LMO7: variants seen among roughly 807,000 people sequenced by gnomAD.
The protein encoded by LMO7 is LIM domain 7.
LMO7 carries 120 observed loss-of-function variants against 206.5 expected under a neutral mutation model. The observed-to-expected ratio is 0.58, with a 90% CI of 0.50 to 0.68. The LOEUF is 0.68. Ranked by LOEUF, LMO7 falls within the 30% of genes least tolerant of loss-of-function variation. LMO7 has a pLI of 0.00. For missense variants in LMO7, 1,959 were observed against 1,957.9 expected (o/e 1.00, Z -0.01); for synonymous variants, 706 against 681.5 (o/e 1.04, Z -0.56).
rs144552903 is a variant in LMO7 at position 75,742,296 on chromosome 13, A to G, written c.210+15198A>G. Among the ~76,000 whole-genome samples the G allele has an allele frequency of 3.3e-5, 5 of 152,354 alleles. No homozygotes were observed. In the East Asian group the frequency reaches 9.6e-4, roughly 29 times the overall value. Reference sequence around the variant, plus strand: ...AATTAGAAGAATCAAAATCATTAATATAGCCATACTGCCCAAAGCAAATTA... The same window carrying G: ...AATTAGAAGAATCAAAATCATTAATGTAGCCATACTGCCCAAAGCAAATTA... On this transcript the variant is annotated intron_variant, in intron 3 of 30. Coordinates refer to ENST00000377534, the MANE Select transcript of LMO7 (RefSeq NM_001306080.2).
rs777517919 is a variant in LMO7 at position 75,808,112 on chromosome 13, G to T, written c.1829G>T (p.Gly610Val). ...TTVPPISFTP[G>V]PCSEADLKRW... ...GTGCCTCCCATCAGTTTCACCCCTG[G>T]CCCCTGCAGTGAGGCTGACTTGAAG... The change falls in exon 10 of 31, where the codon GGC (glycine) becomes GTC (valine). Residue 610 changes from glycine (G) to valine (V), a missense_variant. Transcript: ENST00000377534. 11 of 1,613,760 alleles carry T rather than the reference G, an allele frequency of 6.8e-6. No homozygotes were observed. The highest frequency in any genetic ancestry group is 8.5e-6 in the Non-Finnish European group (10 of 1,179,862).
At chr13:75,791,928 A>G (rs2053350505) in intron 4 of LMO7, among the ~76,000 whole-genome samples, 1 of 152,026 alleles carries the variant, frequency 6.6e-6, no homozygotes, top group Admixed American at 6.5e-5. Context: ...GTTTCAATGC[A>G]GGTATGGGTT....
intron 4 of LMO7, 70 bp downstream of exon 4, chr13:75,761,108 G>T (rs1594782091): frequency 2.1e-6 from 2 of 973,686 alleles, no homozygotes; most frequent in Non-Finnish European, 3.0e-6. Flanking sequence ...TAAGTGAAAA[G>T]AATTGCTGAG....
intron 4 of LMO7, among the ~76,000 whole-genome samples, chr13:75,775,581 A>G (rs1381439400): frequency 6.6e-6 from 1 of 152,150 alleles, no homozygotes; most frequent in Non-Finnish European, 1.5e-5. Flanking sequence ...ACACAGGGCT[A>G]ATATCCAGAA....
chr13:75,737,842 CAAAAAA>C (rs768622923), intron 3 of LMO7, among the ~76,000 whole-genome samples: 2 of 37,740 alleles, frequency 5.3e-5, no homozygotes, highest in African/African-American at 1.2e-4. Flanking sequence ...AGGAAGCTGC[CAAAAAA>C]AAAAAAAAAA....
chr13:75,752,235 A>G (rs1258524153), intron 3 of LMO7, among the ~76,000 whole-genome samples: 2 of 151,914 alleles, frequency 1.3e-5, no homozygotes, highest in African/African-American at 4.8e-5. Context: ...AAGTTCAGCA[A>G]TTATCCTGCC....
rs376638247 is a variant in LMO7 at position 75,637,027 on chromosome 13, C to T, written c.69+301C>T. On this transcript the variant is annotated intron_variant, in intron 1 of 30. Coordinates refer to ENST00000377534, the MANE Select transcript of LMO7 (RefSeq NM_001306080.2). ...GCGCGTCCCGGAGGAGCAGCGCAGT[C>T]CGCCCTGGCTCGCCCGGGGCGTCTC... Among the ~76,000 whole-genome samples, 12 of 152,316 alleles carry T rather than the reference C, an allele frequency of 7.9e-5. No homozygotes were observed. The East Asian group carries it at 1.5e-3, about 20-fold the overall frequency.
intron 2 of LMO7, among the ~76,000 whole-genome samples, chr13:75,625,292 T>C (rs923718335): frequency 6.6e-6 from 1 of 152,258 alleles, no homozygotes; most frequent in Admixed American, 6.5e-5. Flanking sequence ...CATATTCTTC[T>C]GATTATCTAG....
At chr13:75,829,700 G>GT (rs34119641) in intron 15 of LMO7, among the ~76,000 whole-genome samples, 141 of 150,154 alleles carry the variant, frequency 9.4e-4, no homozygotes, top group Non-Finnish European at 1.6e-3. Flanking sequence ...TATTGGCCCT[G>GT]TTTTTTTTTT....
chr13:75,835,440 C>T, intron 18 of LMO7, 101 bp downstream of exon 18: 1 of 666,974 alleles, frequency 1.5e-6, no homozygotes, highest in Non-Finnish European at 2.4e-6. Flanking sequence ...AATTTTGATG[C>T]TAACTTTAAA....
At chr13:75,733,102 C>G (rs565419519) in intron 3 of LMO7, among the ~76,000 whole-genome samples, 126 of 152,340 alleles carry the variant, frequency 8.3e-4, no homozygotes, top group African/African-American at 2.8e-3. Flanking sequence ...GAGGCAGTCT[C>G]CCCGTTCTCA....
At chr13:75,675,766 ATTTAG>A (rs2039950570) in intron 1 of LMO7, among the ~76,000 whole-genome samples, 1 of 152,194 alleles carries the variant, frequency 6.6e-6, no homozygotes, top group Admixed American at 6.5e-5. Context: ...AGAGTTACTT[ATTTAG>A]TTGAAGGAGT....
Position 75,808,093 on chromosome 13 carries a change from C to A in LMO7, c.1810C>A (p.Pro604Thr). 6.2e-7 allele frequency: 1 copy of A among 1,613,928 alleles called. No homozygotes were observed. Among genetic ancestry groups the A allele is most frequent in the Non-Finnish European group, 8.5e-7 (1 of 1,179,866 alleles). The change falls in exon 10 of 31, where the codon CCC (proline) becomes ACC (threonine). Residue 604 changes from proline to threonine, a missense_variant. By Grantham distance (38) the Pro-to-Thr change is conservative. Coordinates refer to ENST00000377534, the MANE Select transcript of LMO7 (RefSeq NM_001306080.2). ...QSWKLGTTVP[P>T]ISFTPGPCSE... Reference sequence around the variant, plus strand: ...CTGGAAACTGGGAACTACCGTGCCTCCCATCAGTTTCACCCCTGGCCCCTG... The same window carrying A: ...CTGGAAACTGGGAACTACCGTGCCTACCATCAGTTTCACCCCTGGCCCCTG...
intron 4 of LMO7, among the ~76,000 whole-genome samples, chr13:75,778,221 T>TTTTA (rs748191086): frequency 1.5e-4 from 23 of 151,942 alleles, no homozygotes; most frequent in African/African-American, 3.1e-4. Flanking sequence ...GATCTGTGGT[T>TTTTA]TTTATTTATT....
chr13:75,647,374 T>A (rs1213235367), intron 1 of LMO7, among the ~76,000 whole-genome samples: 1 of 152,248 alleles, frequency 6.6e-6, no homozygotes, highest in Non-Finnish European at 1.5e-5. Flanking sequence ...TTTCAAGTTC[T>A]GTTCTAGACT....
At chr13:75,730,993 A>G (rs1416537298) in intron 3 of LMO7, among the ~76,000 whole-genome samples, 1 of 151,220 alleles carries the variant, frequency 6.6e-6, no homozygotes. Flanking sequence ...GGTCTGAGAG[A>G]CAGTTTGTTA....
In LMO7 at chr13:75,795,446, C is replaced by T; in HGVS notation, c.348+15C>T. Reference sequence around the variant, plus strand: ...GAGTGAAAAATGTAAGATACATTTACCTTAATGGAGCATTATAAGTGGCTT... The same window carrying T: ...GAGTGAAAAATGTAAGATACATTTATCTTAATGGAGCATTATAAGTGGCTT... On this transcript the variant is annotated intron_variant, in intron 5 of 30. Transcript: ENST00000377534. The T allele has an allele frequency of 6.4e-7, 1 of 1,565,758 alleles. No individual in the cohort carries two copies. The highest frequency in any genetic ancestry group is 1.1e-5 in the South Asian group (1 of 87,080).
chr13:75,787,540 T>A (rs2052627892), intron 4 of LMO7, among the ~76,000 whole-genome samples: 1 of 152,256 alleles, frequency 6.6e-6, no homozygotes, highest in Non-Finnish European at 1.5e-5. Context: ...AAGATTGGAA[T>A]AAGCATTATG....
At chr13:75,727,984 C>T (rs903617212) in intron 3 of LMO7, among the ~76,000 whole-genome samples, 3 of 151,908 alleles carry the variant, frequency 2.0e-5, no homozygotes, top group Non-Finnish European at 4.4e-5. Context: ...CATAGTATTC[C>T]CTGGTGTATA....
Sources: gnomAD v4.1 joint callset for allele counts (sites outside exome capture counted in the v4.1 genomes callset) on GRCh38, gnomAD v4.1.1 for gene constraint, MANE v1.5 for transcripts, NCBI Gene and HGNC (gene_info 2026-07-23, HGNC 2026-07-21) for gene names.